PPP2R5C: variants seen among roughly 807,000 people sequenced by gnomAD.
The protein encoded by PPP2R5C is serine/threonine-protein phosphatase 2A 56 kDa regulatory subunit gamma isoform.
PPP2R5C carries 7 observed loss-of-function variants against 68.9 expected under a neutral mutation model. The ratio of observed to expected loss-of-function variants is 0.10; its 90% CI spans 0.06 to 0.19. The LOEUF is 0.19. PPP2R5C is among the 10% of genes least tolerant of loss of function. The probability of loss-of-function intolerance (pLI) is 1.00; values close to 1 mark genes in which losing one functional copy is unlikely to be tolerated. For synonymous variants in PPP2R5C, 210 were observed against 222.2 expected, an observed-to-expected ratio of 0.95 and a Z score of 0.49; for missense variants, 348 against 641.3, an observed-to-expected ratio of 0.54 and a Z score of 4.94.
Position 101,917,644 on chromosome 14 carries a change from T to G in PPP2R5C, c.1327-187T>G, listed in dbSNP as rs1211794280. On this transcript the variant is annotated intron_variant, in intron 12 of 13. Coordinates refer to ENST00000334743, the Ensembl canonical transcript of PPP2R5C. This position sits in a 1 kb window ranked among gnomAD's most constrained non-coding sequence, Gnocchi z 4.4. ...CAGCTGCTTTACTGTCTCCACTGAG[T>G]GCTTTCTGGTTTCAGAAGTCAGCAG... 24 of 650,566 alleles carry G rather than the reference T, an allele frequency of 3.7e-5. No homozygotes were observed. In the East Asian group the frequency reaches 6.7e-4, roughly 18 times the overall value. 40.3% of individuals were successfully genotyped at this position (650,566 alleles called of 1,614,324 possible). A position where few individuals can be genotyped will look rare whatever the true frequency, so the allele number is the denominator to read the frequency against.
chr14:101,788,957 T>C (rs2038241499), intron 3 of PPP2R5C, among the ~76,000 whole-genome samples: 1 of 152,240 alleles, frequency 6.6e-6, no homozygotes, highest in South Asian at 2.1e-4. Flanking sequence ...CTAAATACTC[T>C]ATAGCTTTTG....
intron 5 of PPP2R5C, among the ~76,000 whole-genome samples, chr14:101,883,796 TC>T (rs576630428): frequency 2.3e-4 from 35 of 152,156 alleles, no homozygotes; most frequent in South Asian, 2.1e-3. Flanking sequence ...GCCACCAAGC[TC>T]CCCAGCGCCT....
In PPP2R5C at chr14:101,915,370, G is replaced by A. The variant is rs773071787; in HGVS notation, c.1327-2461G>A. Reference sequence around the variant, plus strand: ...GCTGGGATTACAGGTGTGAGCCACCGCACCTGGCCTTCAGTGAAGGTTTTT... The same window carrying A: ...GCTGGGATTACAGGTGTGAGCCACCACACCTGGCCTTCAGTGAAGGTTTTT... On this transcript the variant is annotated intron_variant, in intron 12 of 13. Coordinates refer to ENST00000334743, the Ensembl canonical transcript of PPP2R5C. The surrounding 1 kb of genome is among the most constrained non-coding windows in gnomAD (Gnocchi z 4.2). Among the ~76,000 whole-genome samples, 13 of 152,122 alleles carry A rather than the reference G, an allele frequency of 8.5e-5. No homozygotes were observed. Among genetic ancestry groups the A allele is most frequent in the African/African-American group, 2.2e-4 (9 of 41,422 alleles).
At chr14:101,782,056 CTCTTTCTCCCTCTCCCA>C (rs2037731839) in intron 2 of PPP2R5C, among the ~76,000 whole-genome samples, 1 of 132,618 alleles carries the variant, frequency 7.5e-6, no homozygotes, top group Non-Finnish European at 1.7e-5. Flanking sequence ...TCCCCCTTCT[CTCTTTCTCCCTCTCCCA>C]CTCCCTCTCT....
intron 1 of PPP2R5C, among the ~76,000 whole-genome samples, chr14:101,811,539 T>C (rs1435040889): frequency 6.6e-6 from 1 of 152,036 alleles, no homozygotes; most frequent in Non-Finnish European, 1.5e-5. Flanking sequence ...GATGGGGTTT[T>C]GCCATGTTGC....
At chr14:101,806,772 G>A (rs1432568046), upstream of PPP2R5C, among the ~76,000 whole-genome samples, 1 of 151,920 alleles carries the variant, frequency 6.6e-6, no homozygotes, top group Non-Finnish European at 1.5e-5. Context: ...ACTATTCTGG[G>A]CAACATAGTA....
intron 9 of PPP2R5C, among the ~76,000 whole-genome samples, chr14:101,905,583 G>T (rs1366702588): frequency 1.3e-5 from 2 of 151,950 alleles, no homozygotes; most frequent in African/African-American, 4.8e-5. Context: ...CTTGAACCCG[G>T]GAGGCAGAGG....
chr14:101,864,504 T>TA (rs1203747277), intron 2 of PPP2R5C, among the ~76,000 whole-genome samples: 4 of 152,160 alleles, frequency 2.6e-5, no homozygotes, highest in African/African-American at 9.7e-5. Flanking sequence ...GACGTAATGA[T>TA]ACGAGGGCCA....
chr14:101,792,149 G>T (rs866018942), intron 3 of PPP2R5C, among the ~76,000 whole-genome samples: 1 of 152,162 alleles, frequency 6.6e-6, no homozygotes, highest in East Asian at 1.9e-4. Flanking sequence ...CAGAGGCAAC[G>T]CTTTATAACT....
intron 1 of PPP2R5C, among the ~76,000 whole-genome samples, chr14:101,848,469 T>C (rs1004793740): frequency 2.6e-5 from 4 of 151,530 alleles, no homozygotes; most frequent in African/African-American, 4.9e-5. Context: ...AGGCGGAGGT[T>C]GCAGTAAGCC....
chr14:101,812,397 C>T (rs2039417128), intron 1 of PPP2R5C, among the ~76,000 whole-genome samples: 1 of 152,160 alleles, frequency 6.6e-6, no homozygotes, highest in Admixed American at 6.5e-5. Context: ...ACCCTGCTCA[C>T]TCGGATGGGG....
Position 101,835,198 on chromosome 14 carries a change from G to C in PPP2R5C, c.95-21488G>C, listed in dbSNP as rs1399739347. Reference sequence around the variant, plus strand: ...CGGTGGGAGCATGGGCTGCTCAGCTGGGGCCATCCAAGGAAGCAAAGATGT... The same window carrying C: ...CGGTGGGAGCATGGGCTGCTCAGCTCGGGCCATCCAAGGAAGCAAAGATGT... On this transcript the variant is annotated intron_variant, in intron 1 of 13. Transcript: ENST00000334743. This position sits in a 1 kb window ranked among gnomAD's most constrained non-coding sequence, Gnocchi z 5.0. 2.0e-5 allele frequency among the ~76,000 whole-genome samples: 3 copies of C among 152,184 alleles called. No individual in the cohort carries two copies. The highest frequency in any genetic ancestry group is 7.2e-5 in the African/African-American group (3 of 41,446).
Position 101,865,940 on chromosome 14 carries a change from C to T in PPP2R5C, c.294+9055C>T, listed in dbSNP as rs146236508. 2.2e-3 allele frequency among the ~76,000 whole-genome samples: 340 copies of T among 152,308 alleles called. 4 individuals are homozygous for T. Among genetic ancestry groups the T allele is most frequent in the African/African-American group, 7.7e-3 (321 of 41,564 alleles). ...TTTTTGAGACAGAGTCTTTCTCTGT[C>T]GCCAGGCTGGAGTGCAGTGGCGTAA... On this transcript the variant is annotated intron_variant, in intron 2 of 13. Transcript: ENST00000334743.
At chr14:101,792,901 A>G (rs1396079460) in intron 3 of PPP2R5C, among the ~76,000 whole-genome samples, 1 of 144,754 alleles carries the variant, frequency 6.9e-6, no homozygotes, top group Non-Finnish European at 1.5e-5. Context: ...TTTTTTTGAG[A>G]CAGTCTCATG....
chr14:101,907,330 C>G (rs1229817850), intron 10 of PPP2R5C, among the ~76,000 whole-genome samples: 1 of 151,912 alleles, frequency 6.6e-6, no homozygotes, highest in Non-Finnish European at 1.5e-5. Context: ...ACCGCTACGC[C>G]TGGCTAATTT....
chr14:101,830,780 C>T (rs2040687952), intron 1 of PPP2R5C, among the ~76,000 whole-genome samples: 1 of 152,130 alleles, frequency 6.6e-6, no homozygotes, highest in Non-Finnish European at 1.5e-5. Flanking sequence ...GCAAGGAATA[C>T]AGAGAAGCAG....
At chr14:101,925,347 C>A (rs2047243890) in exon 14 of PPP2R5C, 1 of 1,564,672 alleles carries the variant, frequency 6.4e-7, no homozygotes, top group Non-Finnish European at 8.6e-7. Flanking sequence ...ACTTCCTGTG[C>A]CATACCAATC....
exon 14 of PPP2R5C, chr14:101,925,464 G>C: frequency 1.0e-6 from 1 of 989,230 alleles, no homozygotes; most frequent in Non-Finnish European, 1.4e-6. Flanking sequence ...GAGCCCGCTG[G>C]CAGAGCCGCG....
rs760424436 is a variant in PPP2R5C, at chr14:101,836,364, C to A, written c.95-20322C>A. 2.0e-4 allele frequency: 138 copies of A among 702,236 alleles called. No individual in the cohort carries two copies. In the South Asian group the frequency reaches 2.0e-3, roughly 10 times the overall value. The allele number at this position is 702,236 out of a possible 1,614,324, so 43.5% of individuals were successfully genotyped here. A position where few individuals can be genotyped will look rare whatever the true frequency, so the allele number is the denominator to read the frequency against. On this transcript the variant is annotated intron_variant, in intron 1 of 13. Coordinates refer to ENST00000334743, the Ensembl canonical transcript of PPP2R5C. Reference sequence around the variant, plus strand: ...CCCGACCTGCCAGCCTTCTCCCCTGCCCTTCTGCCTCTACTCCCGACCTGC... The same window carrying A: ...CCCGACCTGCCAGCCTTCTCCCCTGACCTTCTGCCTCTACTCCCGACCTGC...
Sources: allele counts gnomAD v4.1 joint callset (sites outside exome capture counted in the v4.1 genomes callset), GRCh38; gene constraint gnomAD v4.1.1; non-coding constraint Gnocchi (gnomAD v3.1); transcripts MANE v1.5; gene names NCBI Gene and HGNC (gene_info 2026-07-23, HGNC 2026-07-21).